The following RNF180 variants were observed in gnomAD, a reference collection of about 807,000 sequenced individuals.
RNF180 encodes ring finger protein 180.
RNF180 carries 38 observed loss-of-function variants against 59.2 expected under a neutral mutation model. The observed-to-expected ratio is 0.64, with a 90% CI of 0.50 to 0.84. The LOEUF (loss-of-function observed/expected upper bound fraction) is 0.84. Ranked by LOEUF, RNF180 falls within the 40% of genes least tolerant of loss-of-function variation. RNF180 has a pLI of 0.00. For synonymous variants in RNF180, 262 were observed against 240.3 expected, an observed-to-expected ratio of 1.09 and a Z score of -0.84; for missense variants, 705 against 700.9, an observed-to-expected ratio of 1.01 and a Z score of -0.07.
intron 5 of RNF180, among the ~76,000 whole-genome samples, chr5:64,227,991 A>C (rs890322799): frequency 6.6e-6 from 1 of 151,988 alleles, no homozygotes; most frequent in South Asian, 2.1e-4. Context: ...TGGAGATGCA[A>C]ATCTCACCTA....
chr5:64,340,993 T>A (rs1057316527), intron 7 of RNF180, among the ~76,000 whole-genome samples: 35 of 152,078 alleles, frequency 2.3e-4, no homozygotes, highest in African/African-American at 8.4e-4. Context: ...GCACACACAC[T>A]CACAATTTTT....
intron 5 of RNF180, among the ~76,000 whole-genome samples, chr5:64,220,246 A>G (rs1752840058): frequency 1.3e-5 from 2 of 151,834 alleles, no homozygotes; most frequent in Admixed American, 1.3e-4. Context: ...AAATATGTAT[A>G]TATTTACATA....
At chr5:64,334,103 A>G (rs1745025268) in intron 7 of RNF180, among the ~76,000 whole-genome samples, 1 of 152,180 alleles carries the variant, frequency 6.6e-6, no homozygotes, top group South Asian at 2.1e-4. Context: ...AGAATGTCCC[A>G]AACAAAAGGC....
intron 5 of RNF180, among the ~76,000 whole-genome samples, chr5:64,319,131 T>C (rs1744212073): frequency 6.6e-6 from 1 of 151,778 alleles, no homozygotes; most frequent in Admixed American, 6.6e-5. Flanking sequence ...GGAAATTCTC[T>C]GTACTTTCTG....
chr5:64,298,595 G>A (rs552682659), intron 5 of RNF180, among the ~76,000 whole-genome samples: 109 of 152,132 alleles, frequency 7.2e-4, no homozygotes, highest in African/African-American at 2.5e-3. Context: ...CTGAATGTTT[G>A]TGTTCCTCCT....
chr5:64,166,103 C>G (rs968106362), intron 1 of RNF180, 150 bp downstream of exon 1: 2 of 152,176 alleles, frequency 1.3e-5, no homozygotes, highest in African/African-American at 2.4e-5. Flanking sequence ...CTAGGGTTGC[C>G]GCTGGCCTGG....
intron 7 of RNF180, among the ~76,000 whole-genome samples, chr5:64,345,450 G>T (rs1340131185): frequency 6.6e-6 from 1 of 152,062 alleles, no homozygotes; most frequent in Non-Finnish European, 1.5e-5. Context: ...ACTTTATCAG[G>T]AAATACCATA....
intron 5 of RNF180, among the ~76,000 whole-genome samples, chr5:64,277,184 A>AG (rs1438330879): frequency 2.1e-5 from 3 of 143,254 alleles, no homozygotes; most frequent in Non-Finnish European, 4.6e-5. Context: ...GTCTTAAAAA[A>AG]AAAAAAGGGG....
At position 64,364,619 on chromosome 5, in the gene RNF180, A is replaced by G. The variant is rs73105062; in HGVS notation, c.1580-4996A>G. On this transcript the variant is annotated intron_variant, in intron 7 of 7. Transcript: ENST00000389100. ...TGCGTTGGGAAGGAGTCTCTCCTCA[A>G]TTATTTTGGAATAGTTTCAGTGGGA... Among the ~76,000 whole-genome samples, 755 of 151,598 alleles carry G rather than the reference A, an allele frequency of 5.0e-3. 10 individuals are homozygous for G. The highest frequency in any genetic ancestry group is 0.017 in the African/African-American group (707 of 41,468).
At position 64,347,544 on chromosome 5, in the gene RNF180, T is replaced by A. The variant is rs116467658; in HGVS notation, c.1579+17138T>A. Among the ~76,000 whole-genome samples, 488 of 152,222 alleles carry A rather than the reference T, an allele frequency of 3.2e-3. 1 individual carries two copies. The highest frequency in any genetic ancestry group is 0.012 in the African/African-American group (480 of 41,564). On this transcript the variant is annotated intron_variant, in intron 7 of 7. Transcript: ENST00000389100. ...GTGGAGCTACTACCATGATTTACCA[T>A]CCCATAACTGTAGCTGCATTTTTCA...
chr5:64,345,656 C>A (rs948175236), intron 7 of RNF180, among the ~76,000 whole-genome samples: 4 of 152,128 alleles, frequency 2.6e-5, no homozygotes, highest in Non-Finnish European at 5.9e-5. Context: ...TGGGCCACTT[C>A]CAATCAACCA....
intron 5 of RNF180, among the ~76,000 whole-genome samples, chr5:64,311,552 CAA>C (rs1272499157): frequency 1.3e-5 from 2 of 151,932 alleles, no homozygotes; most frequent in Admixed American, 6.6e-5. Flanking sequence ...TTTTTGTAAC[CAA>C]ACTACCTTCC....
intron 7 of RNF180, among the ~76,000 whole-genome samples, chr5:64,367,015 A>G (rs1390432923): frequency 6.6e-6 from 1 of 151,578 alleles, no homozygotes; most frequent in African/African-American, 2.4e-5. Flanking sequence ...CAATCAGAAA[A>G]CATTGGATTT....
chr5:64,242,490 C>T (rs1742865275), intron 5 of RNF180, among the ~76,000 whole-genome samples: 1 of 152,008 alleles, frequency 6.6e-6, no homozygotes, highest in Non-Finnish European at 1.5e-5. Context: ...ATTAAAAAAA[C>T]TGAAGGAAAC....
At chr5:64,256,301 C>T (rs777385461) in intron 5 of RNF180, among the ~76,000 whole-genome samples, 4 of 152,170 alleles carry the variant, frequency 2.6e-5, no homozygotes, top group African/African-American at 9.7e-5. Flanking sequence ...ATTGTATTGC[C>T]TAGGTTTTCT....
At chr5:64,331,958 TCC>T (rs1744929206) in intron 7 of RNF180, among the ~76,000 whole-genome samples, 1 of 151,682 alleles carries the variant, frequency 6.6e-6, no homozygotes. Flanking sequence ...GTATATCTCA[TCC>T]AGCCACAGCC....
chr5:64,249,820 A>G (rs1580110124), intron 5 of RNF180, among the ~76,000 whole-genome samples: 1 of 152,226 alleles, frequency 6.6e-6, no homozygotes, highest in Non-Finnish European at 1.5e-5. Context: ...ACCTAAGTAT[A>G]TAAAGTAAAT....
chr5:64,274,224 C>G (rs1412159557), intron 5 of RNF180, among the ~76,000 whole-genome samples: 2 of 151,856 alleles, frequency 1.3e-5, no homozygotes, highest in African/African-American at 4.8e-5. Context: ...TTCTTTAACC[C>G]AGCTTTTCAT....
chr5:64,208,157 A>C lies in RNF180; in HGVS notation c.136-3908A>C, dbSNP rs186013015. Reference sequence around the variant, plus strand: ...ATTCCCAACACTTAAAGAAAAAATTAAAATAATACATTGGCTCCCTCTGCT... The same window carrying C: ...ATTCCCAACACTTAAAGAAAAAATTCAAATAATACATTGGCTCCCTCTGCT... On this transcript the variant is annotated intron_variant, in intron 2 of 7. Coordinates refer to ENST00000389100, the MANE Select transcript of RNF180 (RefSeq NM_001113561.2). Among the ~76,000 whole-genome samples the C allele has an allele frequency of 2.3e-3, 346 of 152,132 alleles. 3 individuals carry two copies. Among genetic ancestry groups the C allele is most frequent in the Non-Finnish European group, 1.9e-3 (132 of 67,960 alleles).
Sources: gnomAD v4.1 joint callset for allele counts (sites outside exome capture counted in the v4.1 genomes callset) on GRCh38, gnomAD v4.1.1 for gene constraint, MANE v1.5 for transcripts, NCBI Gene and HGNC (gene_info 2026-07-23, HGNC 2026-07-21) for gene names.